SPIDR: variants seen among roughly 807,000 people sequenced by gnomAD.
SPIDR encodes the protein DNA repair-scaffolding protein.
SPIDR carries 93 observed loss-of-function variants against 104.6 expected under a neutral mutation model. The observed-to-expected ratio is 0.89, with a 90% confidence interval of 0.75 to 1.06. SPIDR has a LOEUF of 1.06. Among genes scored for constraint, SPIDR ranks in the 50% least tolerant of loss-of-function variants. The pLI is 0.00. For missense variants in SPIDR, 1,154 were observed against 1,111.2 expected, an observed-to-expected ratio of 1.04 and a Z score of -0.55; for synonymous variants, 431 against 416.9, an observed-to-expected ratio of 1.03 and a Z score of -0.41.
chr8:47,591,811 C>T (rs2061043607), intron 8 of SPIDR, among the ~76,000 whole-genome samples: 2 of 152,086 alleles, frequency 1.3e-5, no homozygotes, highest in South Asian at 4.1e-4. Flanking sequence ...AAAACACGCA[C>T]ATCCCTGCAG....
intron 8 of SPIDR, among the ~76,000 whole-genome samples, chr8:47,492,443 T>A (rs539523915): frequency 9.9e-5 from 15 of 152,284 alleles, no homozygotes; most frequent in African/African-American, 3.6e-4. Context: ...CCTAATGAAT[T>A]CACTTCTTGC....
At chr8:47,453,066 T>A (rs550257829) in intron 8 of SPIDR, among the ~76,000 whole-genome samples, 2 of 151,938 alleles carry the variant, frequency 1.3e-5, no homozygotes, top group African/African-American at 4.8e-5. Flanking sequence ...TATACACCAA[T>A]AACAGACAAA....
chr8:47,698,358 A>G (rs181835535), intron 11 of SPIDR, among the ~76,000 whole-genome samples: 3 of 152,316 alleles, frequency 2.0e-5, no homozygotes, highest in Admixed American at 2.0e-4. Flanking sequence ...GAGCTTCTAC[A>G]CCAAGTCTAT....
In SPIDR at chr8:47,534,316, A is replaced by G. The variant is rs373086532; in HGVS notation, c.1098-61495A>G. On this transcript the variant is annotated intron_variant, in intron 8 of 19. Coordinates refer to ENST00000297423, the MANE Select transcript of SPIDR (RefSeq NM_001080394.4). ...AGAGGAATATAAATCATTATACCAT[A>G]AAGACACATCCATGTGAATGTTTAT... Among the ~76,000 whole-genome samples, 11 of 152,354 alleles carry G rather than the reference A, an allele frequency of 7.2e-5. No homozygotes were observed. In the South Asian group the frequency reaches 2.1e-3, roughly 29 times the overall value.
chr8:47,472,053 T>G (rs1211280800), intron 8 of SPIDR, among the ~76,000 whole-genome samples: 2 of 152,214 alleles, frequency 1.3e-5, no homozygotes, highest in Non-Finnish European at 2.9e-5. Flanking sequence ...TGCCGGTACA[T>G]TGCCCAATTC....
intron 8 of SPIDR, among the ~76,000 whole-genome samples, chr8:47,537,937 G>A (rs993366638): frequency 6.6e-6 from 1 of 152,200 alleles, no homozygotes; most frequent in African/African-American, 2.4e-5. Flanking sequence ...AACAGTTTGG[G>A]AGGCTGAGGC....
At chr8:47,394,686 A>ACAT (rs1160999908) in intron 5 of SPIDR, among the ~76,000 whole-genome samples, 1 of 152,178 alleles carries the variant, frequency 6.6e-6, no homozygotes, top group Admixed American at 6.5e-5. Context: ...GGTACTTAAG[A>ACAT]CATCTCATAA....
chr8:47,509,297 A>G (rs868496006), intron 8 of SPIDR, among the ~76,000 whole-genome samples: 19 of 152,344 alleles, frequency 1.2e-4, no homozygotes, highest in African/African-American at 4.6e-4. Context: ...AGCATCTGCA[A>G]TGCTGGCCGG....
chr8:47,641,642 A>C (rs1022695848), intron 10 of SPIDR, among the ~76,000 whole-genome samples: 2 of 152,224 alleles, frequency 1.3e-5, no homozygotes, highest in Non-Finnish European at 2.9e-5. Flanking sequence ...GCATGAAGGA[A>C]TGCCACATGT....
intron 9 of SPIDR, among the ~76,000 whole-genome samples, chr8:47,597,588 C>T (rs752871315): frequency 6.6e-6 from 1 of 152,166 alleles, no homozygotes; most frequent in Admixed American, 6.5e-5. Flanking sequence ...TATTTGACAA[C>T]GTTCATTTTC....
chr8:47,702,077 TCTCTCTCTCTCTCTCTCTCTTACACA>T (rs2080289962), intron 14 of SPIDR, 62 bp downstream of exon 14: 76 of 574,240 alleles, frequency 1.3e-4, no homozygotes, highest in Non-Finnish European at 1.8e-4. Flanking sequence ...TCTCTCTCTC[TCTCTCTCTCTCTCTCTCTCTTACACA>T]CACACACACA....
intron 5 of SPIDR, among the ~76,000 whole-genome samples, chr8:47,348,973 C>T (rs1331189227): frequency 4.6e-5 from 7 of 152,194 alleles, no homozygotes; most frequent in African/African-American, 1.7e-4. Flanking sequence ...AGTCATTCTC[C>T]GTCCAGCTTT....
intron 16 of SPIDR, among the ~76,000 whole-genome samples, chr8:47,726,253 T>C (rs2084219153): frequency 6.6e-6 from 1 of 152,270 alleles, no homozygotes; most frequent in African/African-American, 2.4e-5. Flanking sequence ...ATTGCATGAA[T>C]GCACTTTAAT....
chr8:47,661,463 G>GGT (rs2074094093), intron 10 of SPIDR, among the ~76,000 whole-genome samples: 1 of 152,196 alleles, frequency 6.6e-6, no homozygotes, highest in Non-Finnish European at 1.5e-5. Flanking sequence ...CTTGGCAGTG[G>GGT]GTATTCTATG....
At chr8:47,460,765 T>G (rs566324286) in intron 8 of SPIDR, among the ~76,000 whole-genome samples, 1 of 152,342 alleles carries the variant, frequency 6.6e-6, no homozygotes, top group African/African-American at 2.4e-5. Flanking sequence ...GTGAGACTTA[T>G]GCTTTAAAGA....
chr8:47,599,160 G>A lies in SPIDR; in HGVS notation c.1508G>A (p.Gly503Glu). 6.2e-7 allele frequency: 1 copy of A among 1,613,758 alleles called. No homozygotes were observed. The highest frequency in any genetic ancestry group is 8.5e-7 in the Non-Finnish European group (1 of 1,179,934). ...AGAGACAGCACCAGGGGTCAGCAGG[G>A]GGCCAGCTCAGGACACACAGACCCA... The part of the protein sequence containing the change: ...PSRDSTRGQQ[G>E]ASSGHTDPAG... The change falls in exon 10 of 20, where the codon GGG becomes GAG. Residue 503 changes from glycine to glutamate, a missense_variant. Physicochemically the swap from Gly to Glu is moderately conservative, Grantham distance 98. Transcript: ENST00000297423.
intron 11 of SPIDR, 88 bp from the exon 12 acceptor site, chr8:47,700,315 G>T: frequency 3.8e-6 from 5 of 1,315,902 alleles, no homozygotes; most frequent in Non-Finnish European, 5.5e-6. Flanking sequence ...TTAGGCATTA[G>T]AGTCTGTTAA....
At chr8:47,300,410 A>C (rs1309994253) in intron 5 of SPIDR, among the ~76,000 whole-genome samples, 1 of 151,962 alleles carries the variant, frequency 6.6e-6, no homozygotes, top group Non-Finnish European at 1.5e-5. Context: ...CAGCTCCTGG[A>C]TTCATTGATT....
intron 5 of SPIDR, among the ~76,000 whole-genome samples, chr8:47,333,510 G>C (rs1450022704): frequency 6.6e-6 from 1 of 151,822 alleles, no homozygotes; most frequent in Non-Finnish European, 1.5e-5. Flanking sequence ...CACCATGTTG[G>C]CCAGGCTGGT....
Sources: allele counts gnomAD v4.1 joint callset (sites outside exome capture counted in the v4.1 genomes callset), GRCh38; gene constraint gnomAD v4.1.1; transcripts MANE v1.5; gene names NCBI Gene and HGNC (gene_info 2026-07-23, HGNC 2026-07-21).